RBMS3: variants seen among roughly 807,000 people sequenced by gnomAD.
RBMS3 encodes RNA-binding motif, single-stranded-interacting protein 3.
A neutral mutation model predicts 66.8 loss-of-function variants in RBMS3; 27 were observed. The ratio of observed to expected loss-of-function variants is 0.40; its 90% CI spans 0.30 to 0.56. The LOEUF (loss-of-function observed/expected upper bound fraction) is 0.56. Among genes scored for constraint, RBMS3 ranks in the 20% least tolerant of loss-of-function variants. The pLI is 0.40. For missense variants in RBMS3, 513 were observed against 549.5 expected, an observed-to-expected ratio of 0.93 and a Z score of 0.66; for synonymous variants, 188 against 183.0, an observed-to-expected ratio of 1.03 and a Z score of -0.22.
intron 12 of RBMS3, among the ~76,000 whole-genome samples, chr3:29,953,044 A>G (rs1296947951): frequency 2.0e-5 from 3 of 151,938 alleles, no homozygotes; most frequent in South Asian, 4.1e-4. Flanking sequence ...GCTTGCTGAA[A>G]CAAGGGAAAA....
intron 4 of RBMS3, among the ~76,000 whole-genome samples, chr3:29,612,737 G>C (rs2048534253): frequency 6.6e-6 from 1 of 152,014 alleles, no homozygotes. Flanking sequence ...ATGAAATCAG[G>C]CTTAATTAGT....
intron 12 of RBMS3, among the ~76,000 whole-genome samples, chr3:29,957,540 T>A (rs1351138235): frequency 2.0e-5 from 3 of 152,116 alleles, no homozygotes; most frequent in African/African-American, 7.2e-5. Flanking sequence ...AAAATGGAGT[T>A]GGGAGGATGT....
intron 2 of RBMS3, among the ~76,000 whole-genome samples, chr3:29,476,257 A>G (rs2042942449): frequency 6.6e-6 from 1 of 152,234 alleles, no homozygotes; most frequent in Non-Finnish European, 1.5e-5. Context: ...GGCAATTAAA[A>G]GATTGTGCAT....
chr3:29,702,396 C>A (rs1299826425), intron 4 of RBMS3, among the ~76,000 whole-genome samples: 1 of 152,158 alleles, frequency 6.6e-6, no homozygotes. Context: ...CCAATCAGGT[C>A]TCTGTAAAAT....
intron 3 of RBMS3, among the ~76,000 whole-genome samples, chr3:29,562,092 C>A (rs944516832): frequency 9.2e-5 from 14 of 152,064 alleles, no homozygotes; most frequent in African/African-American, 3.1e-4. Flanking sequence ...ACTTTAGCAT[C>A]CTGTAATTCT....
At chr3:29,563,468 A>G (rs1298320841) in intron 3 of RBMS3, among the ~76,000 whole-genome samples, 2 of 152,178 alleles carry the variant, frequency 1.3e-5, no homozygotes, top group Non-Finnish European at 2.9e-5. Context: ...GACACTGTAG[A>G]GATTCAACAG....
chr3:29,329,627 A>G (rs2035534197), intron 1 of RBMS3, among the ~76,000 whole-genome samples: 1 of 151,932 alleles, frequency 6.6e-6, no homozygotes, highest in Non-Finnish European at 1.5e-5. Flanking sequence ...TATTAACTAG[A>G]CAGATTTTCA....
At chr3:29,326,070 G>GT (rs1273031261) in intron 1 of RBMS3, among the ~76,000 whole-genome samples, 2 of 152,106 alleles carry the variant, frequency 1.3e-5, no homozygotes, top group African/African-American at 4.8e-5. Flanking sequence ...AGATTATGGT[G>GT]TTTTTTTCCT....
chr3:29,344,643 G>C (rs553492344), intron 1 of RBMS3, among the ~76,000 whole-genome samples: 1 of 152,128 alleles, frequency 6.6e-6, no homozygotes, highest in South Asian at 2.1e-4. Context: ...CCCTTAGAAA[G>C]GTGACTATCC....
intron 4 of RBMS3, among the ~76,000 whole-genome samples, chr3:29,678,573 G>A (rs1446310683): frequency 2.6e-5 from 4 of 152,044 alleles, no homozygotes; most frequent in Admixed American, 2.0e-4. Context: ...AAACAGGGTC[G>A]GACATCTTTG....
At chr3:29,889,507 C>G (rs2059949651) in intron 8 of RBMS3, among the ~76,000 whole-genome samples, 1 of 151,602 alleles carries the variant, frequency 6.6e-6, no homozygotes, top group South Asian at 2.1e-4. Context: ...ATTGTCCATA[C>G]TTTAGTTTCT....
intron 10 of RBMS3, among the ~76,000 whole-genome samples, chr3:29,907,757 T>C (rs972730506): frequency 1.3e-5 from 2 of 152,084 alleles, no homozygotes; most frequent in Non-Finnish European, 2.9e-5. Flanking sequence ...AATAATTCCT[T>C]TTTCTCTAAT....
chr3:29,752,034 C>A (rs1301632787), intron 5 of RBMS3, among the ~76,000 whole-genome samples: 1 of 152,182 alleles, frequency 6.6e-6, no homozygotes, highest in Non-Finnish European at 1.5e-5. Context: ...CAGCCTCTTC[C>A]CCCTCACCTC....
At chr3:29,858,512 G>A (rs990146298) in intron 6 of RBMS3, among the ~76,000 whole-genome samples, 1 of 152,068 alleles carries the variant, frequency 6.6e-6, no homozygotes, top group Non-Finnish European at 1.5e-5. Context: ...AGCCACACAA[G>A]TTTCGCTAGT....
At chr3:29,895,398 C>A (rs1312117308) in intron 8 of RBMS3, among the ~76,000 whole-genome samples, 2 of 151,456 alleles carry the variant, frequency 1.3e-5, no homozygotes, top group Non-Finnish European at 3.0e-5. Context: ...GGTATCTCCC[C>A]TCCTCAAATT....
At chr3:29,407,037 G>A (rs887220238) in intron 1 of RBMS3, among the ~76,000 whole-genome samples, 1 of 152,072 alleles carries the variant, frequency 6.6e-6, no homozygotes, top group African/African-American at 2.4e-5. Context: ...TTATAGATGG[G>A]TCTCCAGGTT....
intron 4 of RBMS3, among the ~76,000 whole-genome samples, chr3:29,668,291 C>T (rs2050848852): frequency 6.6e-6 from 1 of 152,166 alleles, no homozygotes; most frequent in Admixed American, 6.6e-5. Flanking sequence ...CTTGTCTTAG[C>T]AGATCTTAGG....
chr3:29,738,521 G>T (rs2054479185), intron 4 of RBMS3, among the ~76,000 whole-genome samples: 1 of 152,144 alleles, frequency 6.6e-6, no homozygotes, highest in Admixed American at 6.5e-5. Flanking sequence ...AGTAATTGTG[G>T]TTTGGTTTCC....
At chr3:29,405,492 T>C (rs4680830) in intron 1 of RBMS3, among the ~76,000 whole-genome samples, 123,541 of 152,166 alleles carry the variant, frequency 0.81, 50,604 homozygotes, top group East Asian at 0.97. Flanking sequence ...CAAATCAGGG[T>C]ACATTATTTT....
Sources: gnomAD v4.1 joint callset for allele counts (sites outside exome capture counted in the v4.1 genomes callset) on GRCh38, gnomAD v4.1.1 for gene constraint, MANE v1.5 for transcripts, NCBI Gene and HGNC (gene_info 2026-07-23, HGNC 2026-07-21) for gene names.